ATF7: variants seen among roughly 807,000 people sequenced by gnomAD.
ATF7 encodes the protein activating transcription factor 7.
In ATF7, 10 loss-of-function variants were observed where a neutral mutation model predicts 50.4. That is an observed-to-expected ratio of 0.20 (90% CI 0.12 to 0.34). ATF7 has a LOEUF of 0.34. ATF7 is among the 10% of genes least tolerant of loss of function. ATF7 has a pLI of 1.00. For synonymous variants in ATF7, 201 were observed against 226.4 expected, an observed-to-expected ratio of 0.89 and a Z score of 1.01; for missense variants, 465 against 613.9, an observed-to-expected ratio of 0.76 and a Z score of 2.56.
chr12:53,538,959 T>C (rs1037833074), intron 4 of ATF7, among the ~76,000 whole-genome samples: 1 of 152,132 alleles, frequency 6.6e-6, no homozygotes, highest in African/African-American at 2.4e-5. Context: ...CAGAGACTAG[T>C]GGGAAGGAGA....
At chr12:53,602,600 C>T (rs1943448042) in intron 1 of ATF7, among the ~76,000 whole-genome samples, 3 of 152,138 alleles carry the variant, frequency 2.0e-5, no homozygotes, top group Non-Finnish European at 2.9e-5. Flanking sequence ...GATGCTACAG[C>T]ACTACTGTAA....
At chr12:53,618,756 A>G (rs916829856) in intron 1 of ATF7, among the ~76,000 whole-genome samples, 5 of 152,102 alleles carry the variant, frequency 3.3e-5, no homozygotes, top group Non-Finnish European at 5.9e-5. Context: ...TCCAAACAGA[A>G]AATGAAAAGT....
rs1250101631 is a variant in ATF7 at position 53,537,343 on chromosome 12, T to C, written c.402+72A>G. 4 of 1,573,022 alleles carry C rather than the reference T, an allele frequency of 2.5e-6. No homozygotes were observed. In the African/African-American group the frequency reaches 4.1e-5, roughly 16 times the overall value. On this transcript the variant is annotated intron_variant, in intron 5 of 11. Transcript: ENST00000420353. Reference sequence around the variant, plus strand: ...CTTGGCCTCCTGAGTAGTTAGGACATACTATTTATATAATTAATGAATCAA... The same window carrying C: ...CTTGGCCTCCTGAGTAGTTAGGACACACTATTTATATAATTAATGAATCAA...
chr12:53,571,638 T>TA (rs753773388), intron 2 of ATF7, among the ~76,000 whole-genome samples: 80 of 135,752 alleles, frequency 5.9e-4, no homozygotes, highest in Middle Eastern at 7.8e-3. Flanking sequence ...TCCATCTCTT[T>TA]AAAAAAAAAA....
chr12:53,623,894 G>T (rs1178373789), intron 1 of ATF7, among the ~76,000 whole-genome samples: 1 of 152,206 alleles, frequency 6.6e-6, no homozygotes, highest in Non-Finnish European at 1.5e-5. Flanking sequence ...ACAGTAAGTA[G>T]AGCTATTAAC....
intron 1 of ATF7, among the ~76,000 whole-genome samples, chr12:53,622,386 C>T (rs1034717530): frequency 6.6e-6 from 1 of 151,598 alleles, no homozygotes; most frequent in Non-Finnish European, 1.5e-5. Context: ...TTTGAGAGGC[C>T]GAGGAGGGCA....
intron 9 of ATF7, among the ~76,000 whole-genome samples, chr12:53,527,068 A>G (rs1938521853): frequency 6.6e-6 from 1 of 151,736 alleles, no homozygotes; most frequent in African/African-American, 2.4e-5. Flanking sequence ...CTGAGGCAGG[A>G]GAATCGGTTG....
rs138127816 is a variant in ATF7 at position 53,512,694 on chromosome 12, C to G, written c.*4443G>C. ...CCAATGCATGGTTTTAGGGATACGA[C>G]TAAAATGAAGACAAATCTAGCTTTT... On this transcript the variant is annotated 3_prime_UTR_variant, in exon 12 of 12. Transcript: ENST00000420353. The G allele has an allele frequency of 1.3e-5, 2 of 152,206 alleles. No individual in the cohort carries two copies. The highest frequency in any genetic ancestry group is 2.4e-5 in the African/African-American group (1 of 41,508). The allele number at this position is 152,206 out of a possible 1,614,324, so 9.4% of individuals were successfully genotyped here.
At chr12:53,556,558 T>C (rs1051845796) in intron 2 of ATF7, among the ~76,000 whole-genome samples, 29 of 152,192 alleles carry the variant, frequency 1.9e-4, no homozygotes, top group African/African-American at 6.5e-4. Flanking sequence ...GATCGTGCCA[T>C]TGCACTCCAA....
At chr12:53,532,337 A>G (rs1938953033) in intron 8 of ATF7, among the ~76,000 whole-genome samples, 173 bp downstream of exon 8, 2 of 152,024 alleles carry the variant, frequency 1.3e-5, no homozygotes. Context: ...AGGTGGGGAG[A>G]GGAGATGGGA....
At chr12:53,581,705 A>G (rs953481133) in intron 2 of ATF7, among the ~76,000 whole-genome samples, 1 of 152,126 alleles carries the variant, frequency 6.6e-6, no homozygotes, top group Non-Finnish European at 1.5e-5. Context: ...GGAAACTGAT[A>G]GCAGTGAATA....
chr12:53,560,402 G>A (rs1941033064), intron 2 of ATF7, among the ~76,000 whole-genome samples: 1 of 151,898 alleles, frequency 6.6e-6, no homozygotes, highest in South Asian at 2.1e-4. Flanking sequence ...GACCCGAAAA[G>A]AAGGCTCAGA....
chr12:53,531,876 A>G lies in ATF7; in HGVS notation c.795T>C (p.Thr265=). 6.2e-7 allele frequency: 1 copy of G among 1,613,604 alleles called. No homozygotes were observed. The highest frequency in any genetic ancestry group is 8.5e-7 in the Non-Finnish European group (1 of 1,179,808). The change falls in exon 9 of 12, where the codon ACT becomes ACC. Residue 265 remains threonine, a synonymous_variant. Transcript: ENST00000420353. The stretch of plus-strand genomic sequence containing the variant: ...CACCATTGATTGAGGAGACTTGGTG[A>G]GTTAGGGTGGCTTTCAGTCTCTGTG... The part of the protein sequence containing the change: ...EAKMRLKATL[T]HQVSSINGGC...
chr12:53,518,386 C>T lies in ATF7; in HGVS notation c.1235-1032G>A, dbSNP rs185155330. Among the ~76,000 whole-genome samples the T allele has an allele frequency of 4.5e-4, 69 of 152,380 alleles. 1 individual carries two copies. The highest frequency in any genetic ancestry group is 1.5e-3 in the African/African-American group (64 of 41,596). On this transcript the variant is annotated intron_variant, in intron 11 of 11. Coordinates refer to ENST00000420353, the MANE Select transcript of ATF7 (RefSeq NM_006856.3). ...AGTTATGCCACTCCACCTAAAGTGA[C>T]ACTAACATTTTACTACTAAACACAA...
downstream of ATF7, among the ~76,000 whole-genome samples, chr12:53,508,645 G>C (rs1944070238): frequency 6.6e-6 from 1 of 152,044 alleles, no homozygotes; most frequent in Non-Finnish European, 1.5e-5. Flanking sequence ...TTTGCAGACA[G>C]ACCCCCATCC....
chr12:53,572,570 A>C (rs1345813539), intron 2 of ATF7, among the ~76,000 whole-genome samples: 1 of 152,144 alleles, frequency 6.6e-6, no homozygotes, highest in African/African-American at 2.4e-5. Flanking sequence ...GCGGGGGGAA[A>C]GGGAAAAGTA....
chr12:53,602,544 T>G (rs1187832248), intron 1 of ATF7, among the ~76,000 whole-genome samples: 1 of 152,226 alleles, frequency 6.6e-6, no homozygotes, highest in South Asian at 2.1e-4. Context: ...GGTTTCTTGG[T>G]CATCTTTCAG....
chr12:53,592,031 GAAC>G (rs899905821), intron 2 of ATF7, among the ~76,000 whole-genome samples: 7 of 152,162 alleles, frequency 4.6e-5, no homozygotes, highest in Admixed American at 2.0e-4. Context: ...TCGCTGATGT[GAAC>G]AACAAGATTT....
At chr12:53,606,539 T>A (rs1472476180) in intron 1 of ATF7, among the ~76,000 whole-genome samples, 1 of 152,172 alleles carries the variant, frequency 6.6e-6, no homozygotes, top group Non-Finnish European at 1.5e-5. Context: ...TGAGCCACTG[T>A]GCCTGGCCTG....
Sources: gnomAD v4.1 joint callset for allele counts (sites outside exome capture counted in the v4.1 genomes callset) on GRCh38, gnomAD v4.1.1 for gene constraint, MANE v1.5 for transcripts, NCBI Gene and HGNC (gene_info 2026-07-23, HGNC 2026-07-21) for gene names.